Variants in SLC9B2 observed in about 807,000 individuals in gnomAD.
The protein encoded by SLC9B2 is solute carrier family 9 member B2.
In SLC9B2, 39 loss-of-function variants were observed where a neutral mutation model predicts 52.2. The observed-to-expected ratio is 0.75, with a 90% CI of 0.58 to 0.98. The LOEUF (loss-of-function observed/expected upper bound fraction) is 0.98, where lower values mean the gene tolerates loss of function less well. Among genes scored for constraint, SLC9B2 ranks in the 50% least tolerant of loss-of-function variants. The pLI is 0.00. For missense variants in SLC9B2, 626 were observed against 637.5 expected (o/e 0.98, Z 0.19); for synonymous variants, 214 against 227.0 (o/e 0.94, Z 0.51).
intron 9 of SLC9B2, among the ~76,000 whole-genome samples, chr4:103,035,351 T>C (rs890300295): frequency 6.6e-6 from 1 of 152,212 alleles, no homozygotes; most frequent in Non-Finnish European, 1.5e-5. Context: ...ATGGGGTATA[T>C]ATACACCACA....
rs547946061 is a variant in SLC9B2, at chr4:103,026,802, C to A, written c.1393-211G>T. 5.5e-4 allele frequency among the ~76,000 whole-genome samples: 83 copies of A among 152,014 alleles called. No individual in the cohort carries two copies. In the Middle Eastern group the frequency reaches 0.01, roughly 19 times the overall value. On this transcript the variant is annotated intron_variant, in intron 11 of 11. Coordinates refer to ENST00000394785, the MANE Select transcript of SLC9B2 (RefSeq NM_178833.7). ...TGTATACATATATAACAAACCTGCACGTTGTGCACATGTACCCTAAAACTT... is the reference window on the plus strand; with the variant it reads ...TGTATACATATATAACAAACCTGCAAGTTGTGCACATGTACCCTAAAACTT...
chr4:103,075,333 A>G (rs1747024025), intron 1 of SLC9B2, among the ~76,000 whole-genome samples: 1 of 152,100 alleles, frequency 6.6e-6, no homozygotes, highest in African/African-American at 2.4e-5. Flanking sequence ...TATTTTTAGT[A>G]GAGATGGGGT....
chr4:103,052,825 G>A (rs1744807739), intron 4 of SLC9B2, among the ~76,000 whole-genome samples: 1 of 151,852 alleles, frequency 6.6e-6, no homozygotes, highest in Non-Finnish European at 1.5e-5. Context: ...GGGATTACAG[G>A]TATGAGCCAC....
Position 103,066,505 on chromosome 4 carries a change from C to T in SLC9B2, c.93G>A (p.Glu31=), listed in dbSNP as rs781084275. The T allele has an allele frequency of 1.9e-6, 3 of 1,610,330 alleles. No individual in the cohort carries two copies. In the South Asian group the frequency reaches 3.3e-5, roughly 18 times the overall value. The change falls in exon 3 of 12, where the codon GAG becomes GAA. Residue 31 remains glutamate, a splice_region_variant and synonymous_variant. Transcript: ENST00000394785. ...TACCTTTGAGCTTCATAACTGTCTC[C>T]TCCTGTGTTTAAAGTAATTTTAAAA... is the stretch of plus-strand genomic sequence containing the variant. ...YTPSMHQEAQ[E]ETVMKLKGID... is the part of the protein sequence containing the mutation.
Position 103,028,786 on chromosome 4 carries a change from T to A in SLC9B2, c.1353A>T (p.Ile451=). The A allele has an allele frequency of 6.2e-7, 1 of 1,609,564 alleles. No individual in the cohort carries two copies. The highest frequency in any genetic ancestry group is 8.5e-7 in the Non-Finnish European group (1 of 1,178,524). Residue 451 remains isoleucine, a synonymous_variant, in exon 11 of 12, where the codon ATA becomes ATT. Transcript: ENST00000394785. The stretch of plus-strand genomic sequence containing the variant: ...TTGGAAGCCATGCAAAAGAAATAAA[T>A]ATCTTTTCTTTTAAGTTAAAACCAG... ...CFAGFNLKEK[I]FISFAWLPKA...
chr4:103,019,639 C>G (rs569163342), downstream of SLC9B2: 1 of 985,452 alleles, frequency 1.0e-6, no homozygotes, highest in South Asian at 4.7e-5. Flanking sequence ...CGGGAGCGGC[C>G]CAGGAGCCCA....
At chr4:103,026,952 A>G (rs1191618003) in intron 11 of SLC9B2, among the ~76,000 whole-genome samples, 2 of 152,114 alleles carry the variant, frequency 1.3e-5, no homozygotes, top group African/African-American at 4.8e-5. Flanking sequence ...TGTGTTGCCC[A>G]GACTGGTCTT....
chr4:103,031,882 G>T, intron 9 of SLC9B2, 74 bp from the exon 10 acceptor site: 3 of 1,443,236 alleles, frequency 2.1e-6, no homozygotes, highest in Non-Finnish European at 2.9e-6. Context: ...ATTAATTTGA[G>T]GTTTGAATTA....
intron 1 of SLC9B2, among the ~76,000 whole-genome samples, chr4:103,074,702 A>G (rs1279546890): frequency 6.6e-6 from 1 of 152,244 alleles, no homozygotes; most frequent in Non-Finnish European, 1.5e-5. Context: ...ATATTTGAAT[A>G]CTGAATGAAG....
At chr4:103,071,712 T>C (rs1466100635) in intron 1 of SLC9B2, among the ~76,000 whole-genome samples, 3 of 152,110 alleles carry the variant, frequency 2.0e-5, no homozygotes, top group Admixed American at 1.3e-4. Context: ...GGTTTCACTA[T>C]GTTGGCCAGA....
intron 11 of SLC9B2, among the ~76,000 whole-genome samples, chr4:103,026,911 T>C (rs538931723): frequency 1.3e-5 from 2 of 150,664 alleles, no homozygotes; most frequent in South Asian, 4.2e-4. Flanking sequence ...TTTTGTTTTG[T>C]TTTTTTACTT....
chr4:103,057,028 T>G (rs1385904181), intron 4 of SLC9B2, among the ~76,000 whole-genome samples: 1 of 152,118 alleles, frequency 6.6e-6, no homozygotes. Flanking sequence ...TTGCTGATTT[T>G]TTTTGTTGTT....
At chr4:103,067,392 G>A (rs1746230296) in intron 2 of SLC9B2, 69 bp downstream of exon 2, 23 of 1,399,098 alleles carry the variant, frequency 1.6e-5, no homozygotes, top group Non-Finnish European at 1.8e-5. Context: ...GTAAGTTTGG[G>A]GATAGGAGAA....
chr4:103,043,544 T>C, intron 8 of SLC9B2, 99 bp from the exon 9 acceptor site: 1 of 1,116,362 alleles, frequency 9.0e-7, no homozygotes, highest in Non-Finnish European at 1.3e-6. Flanking sequence ...AAATAAAAAT[T>C]AAAATGTCTA....
Position 103,026,276 on chromosome 4 carries a change from A to G in SLC9B2, c.*94T>C, listed in dbSNP as rs2110566208. On this transcript the variant is annotated 3_prime_UTR_variant, in exon 12 of 12. Transcript: ENST00000394785. ...AAACAGCTACACTTTTGGTTCTATT[A>G]CATTTTAAGCTTAAACATTACATAT... The G allele has an allele frequency of 8.4e-7, 1 of 1,190,340 alleles. No homozygotes were observed. The highest frequency in any genetic ancestry group is 1.6e-5 in the South Asian group (1 of 62,400). 73.7% of individuals were successfully genotyped at this position (1,190,340 alleles called of 1,614,324 possible).
chr4:103,037,059 C>G lies in SLC9B2; in HGVS notation c.1147-5251G>C, dbSNP rs79969625. Among the ~76,000 whole-genome samples, 418 of 152,132 alleles carry G rather than the reference C, an allele frequency of 2.7e-3. 3 individuals are homozygous for G. The highest frequency in any genetic ancestry group is 9.8e-3 in the African/African-American group (406 of 41,414). On this transcript the variant is annotated intron_variant, in intron 9 of 11. Coordinates refer to ENST00000394785, the MANE Select transcript of SLC9B2 (RefSeq NM_178833.7). ...TCCTCCCAAATCCCAAAGATGTTCTCATTAGGTGAACTGATGTGTCTACAT... is the reference window on the plus strand; with the variant it reads ...TCCTCCCAAATCCCAAAGATGTTCTGATTAGGTGAACTGATGTGTCTACAT...
rs1039179348 is a variant in SLC9B2 at position 103,025,754 on chromosome 4, T to C, written c.*616A>G. The C allele has an allele frequency of 2.6e-5, 4 of 152,318 alleles. No individual in the cohort carries two copies. The highest frequency in any genetic ancestry group is 9.6e-5 in the African/African-American group (4 of 41,522). The allele number at this position is 152,318 out of a possible 1,614,324, so 9.4% of individuals were successfully genotyped here. A position where few individuals can be genotyped will look rare whatever the true frequency, so the allele number is the denominator to read the frequency against. Reference sequence around the variant, plus strand: ...CTGGGTGGTCAGCTAGGGGGCAGGATAAAGTTTTTTGACATCTGGAGGGGG... The same window carrying C: ...CTGGGTGGTCAGCTAGGGGGCAGGACAAAGTTTTTTGACATCTGGAGGGGG... On this transcript the variant is annotated 3_prime_UTR_variant, in exon 12 of 12. Transcript: ENST00000394785.
At chr4:103,031,400 T>G (rs1237514296) in intron 10 of SLC9B2, among the ~76,000 whole-genome samples, 1 of 152,118 alleles carries the variant, frequency 6.6e-6, no homozygotes, top group African/African-American at 2.4e-5. Flanking sequence ...TTCTTACCCT[T>G]GGAAAAAGAA....
intron 10 of SLC9B2, among the ~76,000 whole-genome samples, chr4:103,029,356 A>C (rs545502509): frequency 1.8e-4 from 28 of 152,292 alleles, no homozygotes; most frequent in African/African-American, 6.3e-4. Context: ...AAACAAACTA[A>C]GGGCATAAAA....
Sources: allele counts gnomAD v4.1 joint callset (sites outside exome capture counted in the v4.1 genomes callset), GRCh38; gene constraint gnomAD v4.1.1; transcripts MANE v1.5; gene names NCBI Gene and HGNC (gene_info 2026-07-23, HGNC 2026-07-21).